Variants in ITPR1 observed in about 807,000 individuals in gnomAD.
The protein encoded by ITPR1 is inositol 1,4,5-trisphosphate-gated calcium channel ITPR1.
ITPR1 carries 96 observed loss-of-function variants against 318.4 expected under a neutral mutation model. That is an observed-to-expected ratio of 0.30 (90% CI 0.26 to 0.36). The LOEUF (loss-of-function observed/expected upper bound fraction) is 0.36. ITPR1 is among the 10% of genes least tolerant of loss of function. The pLI is 1.00. For missense variants in ITPR1, 2,440 were observed against 3,460.2 expected (o/e 0.71, Z 7.40); for synonymous variants, 1,312 against 1,289.9 (o/e 1.02, Z -0.37).
intron 5 of ITPR1, among the ~76,000 whole-genome samples, chr3:4,635,561 G>A (rs898179540): frequency 1.3e-5 from 2 of 151,764 alleles, no homozygotes; most frequent in Admixed American, 6.6e-5. Context: ...TAGCCAGGAT[G>A]GTCTCGATCT....
intron 21 of ITPR1, 135 bp from the exon 22 acceptor site, chr3:4,674,067 A>C: frequency 1.5e-6 from 1 of 646,880 alleles, no homozygotes. Flanking sequence ...ATATATGCTA[A>C]GGAGGGAAAA....
chr3:4,783,741 A>G, intron 50 of ITPR1, 75 bp from the exon 51 acceptor site: 1 of 1,170,560 alleles, frequency 8.5e-7, no homozygotes, highest in Non-Finnish European at 1.3e-6. Flanking sequence ...TTAAATACCC[A>G]ACATGAGAAA....
intron 10 of ITPR1, among the ~76,000 whole-genome samples, chr3:4,647,390 T>A (rs1407439775): frequency 6.6e-6 from 1 of 152,232 alleles, no homozygotes; most frequent in South Asian, 2.1e-4. Context: ...TGGATGTAAC[T>A]TTTCTTCATT....
intron 61 of ITPR1, among the ~76,000 whole-genome samples, chr3:4,842,971 A>T (rs532330827): frequency 3.3e-5 from 5 of 152,124 alleles, no homozygotes; most frequent in African/African-American, 1.2e-4. Flanking sequence ...AAAACCAGAA[A>T]TTATGTGAGA....
chr3:4,725,686 G>C (rs2042465191), intron 41 of ITPR1, 105 bp downstream of exon 41: 2 of 996,584 alleles, frequency 2.0e-6, no homozygotes, highest in Non-Finnish European at 1.6e-6. Context: ...GTCTCTCCCG[G>C]TGGTAGATGT....
chr3:4,757,340 G>A (rs762705010), intron 44 of ITPR1, among the ~76,000 whole-genome samples: 1 of 152,154 alleles, frequency 6.6e-6, no homozygotes, highest in Admixed American at 6.5e-5. Context: ...GGGATTGTTT[G>A]GGAACCCATA....
At chr3:4,700,064 T>A in intron 35 of ITPR1, 123 bp downstream of exon 35, 1 of 792,810 alleles carries the variant, frequency 1.3e-6, no homozygotes, top group South Asian at 2.2e-5. Context: ...ACAAGATATA[T>A]TTCTCTTGGT....
intron 39 of ITPR1, among the ~76,000 whole-genome samples, chr3:4,713,335 T>C (rs544223413): frequency 3.7e-4 from 57 of 152,348 alleles, no homozygotes; most frequent in African/African-American, 1.1e-3. Context: ...AATTTTCTCT[T>C]ATTTGGAATA....
chr3:4,650,366 C>G (rs1009921406), intron 10 of ITPR1, among the ~76,000 whole-genome samples: 3 of 152,138 alleles, frequency 2.0e-5, no homozygotes, highest in Non-Finnish European at 4.4e-5. Context: ...TCCCAGTTCT[C>G]CATGTGGCCT....
chr3:4,819,388 A>C (rs921064765), intron 60 of ITPR1, among the ~76,000 whole-genome samples: 3 of 152,184 alleles, frequency 2.0e-5, no homozygotes, highest in African/African-American at 7.2e-5. Flanking sequence ...TCACCTGTGG[A>C]GCATGTTAAA....
chr3:4,605,919 A>C (rs538817231), intron 4 of ITPR1, among the ~76,000 whole-genome samples: 1 of 152,300 alleles, frequency 6.6e-6, no homozygotes, highest in African/African-American at 2.4e-5. Flanking sequence ...TGGGGCCGAC[A>C]TCAGACAGGA....
intron 54 of ITPR1, among the ~76,000 whole-genome samples, chr3:4,802,920 C>T (rs761470853): frequency 9.2e-5 from 14 of 152,064 alleles, no homozygotes; most frequent in Non-Finnish European, 2.1e-4. Context: ...CAGAGCCTTA[C>T]CCCACCCAGA....
intron 3 of ITPR1, among the ~76,000 whole-genome samples, chr3:4,517,689 C>A (rs13062479): frequency 6.6e-6 from 1 of 152,192 alleles, no homozygotes; most frequent in Non-Finnish European, 1.5e-5. Flanking sequence ...TGACTTTCTA[C>A]ATTTGACCTC....
Position 4,697,178 on chromosome 3 carries a change from A to G in ITPR1, c.4313A>G (p.His1438Arg). 1 of 1,608,886 alleles carries G rather than the reference A, an allele frequency of 6.2e-7. No individual in the cohort carries two copies. The highest frequency in any genetic ancestry group is 8.5e-7 in the Non-Finnish European group (1 of 1,177,144). ...ATTGCATACATTAACTTCCTGAATCACTGCTATGTGGATACAGAGGTGGAA... is the reference window on the plus strand; with the variant it reads ...ATTGCATACATTAACTTCCTGAATCGCTGCTATGTGGATACAGAGGTGGAA... Reference protein sequence around the residue: ...VKIAYINFLNHCYVDTEVEMK... With the variant: ...VKIAYINFLNRCYVDTEVEMK... The change falls in exon 34 of 62, where the codon CAC (histidine) becomes CGC (arginine). Residue 1438 changes from histidine to arginine, a missense_variant. Physicochemically the swap from His to Arg is conservative, Grantham distance 29. Transcript: ENST00000649015.
chr3:4,588,322 C>T (rs555731718), intron 4 of ITPR1, among the ~76,000 whole-genome samples: 59 of 151,958 alleles, frequency 3.9e-4, no homozygotes, highest in South Asian at 1.0e-3. Flanking sequence ...AGTGTACTTA[C>T]GTATGTGCAT....
intron 34 of ITPR1, 128 bp from the exon 35 acceptor site, chr3:4,699,685 G>A: frequency 1.3e-6 from 1 of 760,168 alleles, no homozygotes; most frequent in Non-Finnish European, 2.1e-6. Context: ...TTCCTTAAGG[G>A]GAGAAATATT....
chr3:4,681,875 G>C (rs549726630), intron 26 of ITPR1, among the ~76,000 whole-genome samples: 1 of 151,876 alleles, frequency 6.6e-6, no homozygotes, highest in South Asian at 2.1e-4. Context: ...AGCAAAATCT[G>C]GTCTTTCATT....
At chr3:4,733,399 T>G (rs1332151154) in intron 43 of ITPR1, among the ~76,000 whole-genome samples, 179 bp downstream of exon 43, 1 of 152,218 alleles carries the variant, frequency 6.6e-6, no homozygotes, top group Non-Finnish European at 1.5e-5. Context: ...CATATTTTCC[T>G]GCAAACTAGC....
At chr3:4,753,551 G>A (rs1366326612) in intron 44 of ITPR1, among the ~76,000 whole-genome samples, 1 of 152,128 alleles carries the variant, frequency 6.6e-6, no homozygotes, top group Non-Finnish European at 1.5e-5. Flanking sequence ...GACATGAAGA[G>A]TCCCAGAGCA....
Sources: gnomAD v4.1 joint callset for allele counts (sites outside exome capture counted in the v4.1 genomes callset) on GRCh38, gnomAD v4.1.1 for gene constraint, MANE v1.5 for transcripts, NCBI Gene and HGNC (gene_info 2026-07-23, HGNC 2026-07-21) for gene names.